The following TRMT11 variants were observed in gnomAD, a reference collection of about 807,000 sequenced individuals.
TRMT11 encodes tRNA (guanine(10)-N(2))-methyltransferase TRMT11.
TRMT11 carries 53 observed loss-of-function variants against 62.8 expected under a neutral mutation model. That is an observed-to-expected ratio of 0.84 (90% CI 0.68 to 1.06). The LOEUF is 1.06. TRMT11 is among the 50% of genes least tolerant of loss of function. The pLI is 0.00. For missense variants in TRMT11, 556 were observed against 553.4 expected, an observed-to-expected ratio of 1.00 and a Z score of -0.05; for synonymous variants, 188 against 190.3, an observed-to-expected ratio of 0.99 and a Z score of 0.10.
At chr6:126,155,301 G>A (rs1778104218) in intron 21 of TRMT11, among the ~76,000 whole-genome samples, 1 of 152,104 alleles carries the variant, frequency 6.6e-6, no homozygotes, top group African/African-American at 2.4e-5. Context: ...CACAAGGACA[G>A]CACCAAGCCA....
At chr6:126,263,032 A>G in the TRMT11 span, among the ~76,000 whole-genome samples, 1 of 152,000 alleles carries the variant, frequency 6.6e-6, no homozygotes. Context: ...AGTTGTTACA[A>G]TGTCCTAACT....
At chr6:126,034,696 C>T (rs777427450) in intron 12 of TRMT11, among the ~76,000 whole-genome samples, 4 of 151,984 alleles carry the variant, frequency 2.6e-5, no homozygotes, top group Middle Eastern at 3.2e-3. Flanking sequence ...TGGCAGAACT[C>T]GGGTTTTATG....
chr6:126,032,742 G>A (rs912091172), intron 12 of TRMT11, among the ~76,000 whole-genome samples: 5 of 152,162 alleles, frequency 3.3e-5, no homozygotes, highest in African/African-American at 7.2e-5. Flanking sequence ...GTACGTACAA[G>A]CTCTGTGAAT....
At chr6:125,990,786 C>CT (rs1193185781) in intron 1 of TRMT11, among the ~76,000 whole-genome samples, 1 of 152,064 alleles carries the variant, frequency 6.6e-6, no homozygotes, top group Middle Eastern at 3.2e-3. Flanking sequence ...CTCTTGTACT[C>CT]TAATACTTTT....
At chr6:126,161,989 A>G (rs1262508268) in intron 21 of TRMT11, among the ~76,000 whole-genome samples, 1 of 151,872 alleles carries the variant, frequency 6.6e-6, no homozygotes, top group Non-Finnish European at 1.5e-5. Context: ...GATTGCAAAA[A>G]TTTTCTCCCA....
intron 17 of TRMT11, among the ~76,000 whole-genome samples, chr6:126,069,803 A>G (rs928583915): frequency 2.1e-4 from 31 of 150,178 alleles, no homozygotes; most frequent in African/African-American, 7.6e-4. Flanking sequence ...GTAACTGTGG[A>G]TATGATGTGA....
chr6:126,167,675 T>C lies in TRMT11; in HGVS notation c.*1824-7150T>C, dbSNP rs149670779. ...TTTTGAGGAGAAGGCAATGCTCTTA[T>C]GTGTGTGTATATGGTGTGTGTCTGT... On this transcript the variant is annotated intron_variant and NMD_transcript_variant, in intron 21 of 22. Coordinates refer to the TRMT11 transcript ENST00000648977. Among the ~76,000 whole-genome samples, 538 of 152,342 alleles carry C rather than the reference T, an allele frequency of 3.5e-3. 3 individuals are homozygous for C. The highest frequency in any genetic ancestry group is 0.012 in the African/African-American group (501 of 41,576).
chr6:126,029,986 C>T (rs532814534), intron 12 of TRMT11, among the ~76,000 whole-genome samples: 3 of 151,998 alleles, frequency 2.0e-5, no homozygotes, highest in Non-Finnish European at 4.4e-5. Flanking sequence ...GATTTTAATA[C>T]GTATTAAAAT....
chr6:125,999,464 A>C lies in TRMT11; in HGVS notation c.530A>C (p.Asp177Ala), dbSNP rs1792122219. The C allele has an allele frequency of 6.3e-7, 1 of 1,598,078 alleles. No homozygotes were observed. The highest frequency in any genetic ancestry group is 1.3e-5 in the African/African-American group (1 of 74,312). ...GAAATATCTCTGATTTAGATTGCAG[A>C]TGGACAGAGAGAGCTTATTGAGTCA... ...HNIYFGRWIA[D>A]GQRELIESYS... The change falls in exon 7 of 13, where the codon GAT (aspartate) becomes GCT (alanine). Residue 177 changes from aspartate (D) to alanine (A), a missense_variant. By Grantham distance (126) the Asp-to-Ala change is moderately radical. Coordinates refer to ENST00000334379, the MANE Select transcript of TRMT11 (RefSeq NM_001031712.3).
At chr6:126,089,693 AT>A (rs1233277875) in intron 17 of TRMT11, among the ~76,000 whole-genome samples, 1 of 152,228 alleles carries the variant, frequency 6.6e-6, no homozygotes, top group East Asian at 1.9e-4. Flanking sequence ...TGGAAAAAAA[AT>A]AAATGGTAGA....
At chr6:126,179,510 G>T (rs1025358766) in intron 1 of TRMT11, among the ~76,000 whole-genome samples, 1 of 152,056 alleles carries the variant, frequency 6.6e-6, no homozygotes, top group Non-Finnish European at 1.5e-5. Flanking sequence ...TGGCTTCCAG[G>T]ATATCACACT....
chr6:126,213,397 C>T, the TRMT11 span, among the ~76,000 whole-genome samples: 2 of 151,984 alleles, frequency 1.3e-5, no homozygotes, highest in African/African-American at 2.4e-5. Flanking sequence ...TTCTTCTAAT[C>T]CAAGAACATA....
chr6:126,126,520 G>A (rs1777720536), intron 21 of TRMT11, among the ~76,000 whole-genome samples: 1 of 152,034 alleles, frequency 6.6e-6, no homozygotes, highest in East Asian at 1.9e-4. Context: ...CCTCTGAATT[G>A]CTTCTGCCCT....
chr6:126,231,785 A>G, the TRMT11 span, among the ~76,000 whole-genome samples: 1 of 152,212 alleles, frequency 6.6e-6, no homozygotes, highest in African/African-American at 2.4e-5. Context: ...GCTTAGTTAC[A>G]TTTGTGTTGC....
At chr6:126,078,611 A>G (rs6906428) in intron 17 of TRMT11, among the ~76,000 whole-genome samples, 3,138 of 152,250 alleles carry the variant, frequency 0.021, 94 homozygotes, top group African/African-American at 0.072. Context: ...TCAAGGTTAG[A>G]GAGTCAAGCT....
At chr6:126,012,700 C>A in intron 9 of TRMT11, 71 bp from the exon 10 acceptor site, 1 of 1,115,420 alleles carries the variant, frequency 9.0e-7, no homozygotes, top group Non-Finnish European at 1.3e-6. Context: ...TTGAAGGCAG[C>A]ATGGCTGTTT....
At chr6:126,139,792 A>G (rs1232301389) in intron 21 of TRMT11, among the ~76,000 whole-genome samples, 3 of 152,144 alleles carry the variant, frequency 2.0e-5, no homozygotes, top group African/African-American at 7.2e-5. Flanking sequence ...CTACCTTGCT[A>G]AACTTTCTAA....
chr6:126,110,121 G>T (rs1777513746), intron 17 of TRMT11, among the ~76,000 whole-genome samples: 1 of 152,158 alleles, frequency 6.6e-6, no homozygotes, highest in Non-Finnish European at 1.5e-5. Context: ...AAAGACCTGA[G>T]ACTCTTAATC....
chr6:126,040,113 A>G (rs1775830635), downstream of TRMT11, among the ~76,000 whole-genome samples: 1 of 152,046 alleles, frequency 6.6e-6, no homozygotes, highest in South Asian at 2.1e-4. Flanking sequence ...TCGAGGTTAT[A>G]TGGGAGGTGA....
Sources: gnomAD v4.1 joint callset for allele counts (sites outside exome capture counted in the v4.1 genomes callset) on GRCh38, gnomAD v4.1.1 for gene constraint, MANE v1.5 for transcripts, NCBI Gene and HGNC (gene_info 2026-07-23, HGNC 2026-07-21) for gene names.